The following SAMD11 variants were observed in gnomAD, a reference collection of about 807,000 sequenced individuals.
The protein encoded by SAMD11 is sterile alpha motif domain-containing protein 11.
In SAMD11, 77 loss-of-function variants were observed where a neutral mutation model predicts 64.4. The observed-to-expected ratio is 1.20, with a 90% CI of 0.99 to 1.44. The LOEUF is 1.44. Among genes scored for constraint, SAMD11 ranks in the 40% most tolerant of loss-of-function variants. The pLI is 0.00. For synonymous variants in SAMD11, 658 were observed against 421.9 expected (o/e 1.56, Z -6.86); for missense variants, 1,402 against 943.3 (o/e 1.49, Z -6.37).
At chr1:931,130 T>TCCCCCCCCCCC in intron 4 of SAMD11, 41 bp downstream of exon 4, 1 of 1,323,916 alleles carries the variant, frequency 7.6e-7, no homozygotes, top group South Asian at 1.2e-5. Context: ...GGGCCGTGAC[T>TCCCCCCCCCCC]CCCCTCCCTC....
Position 930,193 on chromosome 1 carries a change from G to T in SAMD11, c.648G>T (p.Leu216=). The part of the protein sequence containing the change: ...GRLADKRTVA[L]PAARNLKKER... ...TGGCAGACAAGAGGACAGTCGCCCT[G>T]CCTGCCGCCCGGAACCTGAAGAAGG... is the stretch of plus-strand genomic sequence containing the variant. The change falls in exon 3 of 14, where the codon CTG becomes CTT. Residue 216 remains leucine, a synonymous_variant. Transcript: ENST00000616016. 5 of 1,563,922 alleles carry T rather than the reference G, an allele frequency of 3.2e-6. No individual in the cohort carries two copies. The highest frequency in any genetic ancestry group is 1.9e-5 in the Admixed American group (1 of 52,438).
chr1:937,405 C>A (rs1240793425), intron 5 of SAMD11, among the ~76,000 whole-genome samples: 1 of 151,084 alleles, frequency 6.6e-6, no homozygotes, highest in South Asian at 2.1e-4. Context: ...TGCCCCCCCC[C>A]CCACCCAGTC....
rs2100342019 is a variant in SAMD11, at chr1:938,901, G to A, written c.968-139G>A. 6.7e-6 allele frequency: 5 copies of A among 749,208 alleles called. No homozygotes were observed. The South Asian group carries it at 7.8e-5, about 12-fold the overall frequency. 46.4% of individuals were successfully genotyped at this position (749,208 alleles called of 1,614,324 possible). ...TCTGCGCTGAAGGCTGGGGCTGCCA[G>A]GGCTGGGCAAGGCCTGTACTCACCA... On this transcript the variant is annotated intron_variant, in intron 5 of 13. Coordinates refer to ENST00000616016, the MANE Select transcript of SAMD11 (RefSeq NM_001385641.1).
intron 4 of SAMD11, among the ~76,000 whole-genome samples, chr1:934,009 GGGGAGGCGGCTGCGTTACAGGTGGGCA>G: frequency 7.2e-6 from 1 of 138,344 alleles, no homozygotes; most frequent in African/African-American, 3.1e-5. Flanking sequence ...CAGGTGGGCA[GGGGAGGCGGCTGCGTTACAGGTGGGCA>G]GGGGAGGCGG....
chr1:938,346 C>G (rs558588421), intron 5 of SAMD11, among the ~76,000 whole-genome samples: 59 of 152,034 alleles, frequency 3.9e-4, no homozygotes, highest in Non-Finnish European at 7.4e-4. Context: ...GGGCTGGCCT[C>G]GTGGCTGAGG....
chr1:943,423 C>T lies in SAMD11; in HGVS notation c.2178+46C>T. On this transcript the variant is annotated intron_variant, in intron 12 of 13. Transcript: ENST00000616016. The stretch of plus-strand genomic sequence containing the variant: ...CTGGGGCGGGGCTGGAGCTGGCTGG[C>T]AGTCACTACCTCCCTGGAAAGGATG... The T allele has an allele frequency of 4.8e-6, 7 of 1,445,980 alleles. 1 individual carries two copies. Among genetic ancestry groups the T allele is most frequent in the South Asian group, 4.0e-5 (3 of 74,272 alleles). The allele number at this position is 1,445,980 out of a possible 1,614,324, so 89.6% of individuals were successfully genotyped here.
chr1:943,835 G>A (rs1569924736), intron 13 of SAMD11, 27 bp downstream of exon 13: 4 of 1,612,832 alleles, frequency 2.5e-6, no homozygotes, highest in African/African-American at 1.3e-5. Context: ...TGAGGTCAGG[G>A]TCTCCAGACC....
At chr1:925,639 G>A in intron 1 of SAMD11, 1 of 350,280 alleles carries the variant, frequency 2.9e-6, no homozygotes, top group South Asian at 3.1e-5. Flanking sequence ...TTCCCTCGGG[G>A]CCGGGGAGAG....
At position 944,110 on chromosome 1, in the gene SAMD11, C is replaced by G. The variant is rs376960675; in HGVS notation, c.2492C>G (p.Ala831Gly). 1.9e-6 allele frequency: 3 copies of G among 1,606,746 alleles called. No individual in the cohort carries two copies. Among genetic ancestry groups the G allele is most frequent in the Admixed American group, 3.4e-5 (2 of 59,438 alleles). The part of the protein sequence containing the change: ...TSPKQENGTL[A>G]LLPGAPDPSQ... ...CCCAAGCAGGAGAATGGGACCTTGG[C>G]TCTACTTCCAGGGGCCCCCGACCCT... Residue 831 changes from alanine (A) to glycine (G), a missense_variant, in exon 14 of 14, where the codon GCT (alanine) becomes GGT (glycine). Transcript: ENST00000616016.
Position 942,803 on chromosome 1 carries a change from C to G in SAMD11, c.1798C>G (p.Pro600Ala). Residue 600 changes from proline to alanine, a missense_variant, in exon 11 of 14, where the codon CCC becomes GCC. Transcript: ENST00000616016. ...SARRAPRKGGPGPASARPSES... is the reference protein window; with the variant it reads ...SARRAPRKGGAGPASARPSES... ...CCGGCGAGCCCCCCGGAAGGGGGGTCCCGGCCCTGCCTCAGCGCGGCCCAG... is the reference window on the plus strand; with the variant it reads ...CCGGCGAGCCCCCCGGAAGGGGGGTGCCGGCCCTGCCTCAGCGCGGCCCAG... 1 of 1,545,132 alleles carries G rather than the reference C, an allele frequency of 6.5e-7. No individual in the cohort carries two copies. Among genetic ancestry groups the G allele is most frequent in the Non-Finnish European group, 8.7e-7 (1 of 1,145,270 alleles).
chr1:940,910 C>T (rs578021695), intron 7 of SAMD11, among the ~76,000 whole-genome samples: 82 of 152,344 alleles, frequency 5.4e-4, no homozygotes, highest in African/African-American at 1.9e-3. Context: ...CCTCCAGGCA[C>T]CCGGCTCCCC....
intron 2 of SAMD11, among the ~76,000 whole-genome samples, chr1:927,102 C>T (rs528582129): frequency 6.6e-6 from 1 of 152,294 alleles, no homozygotes; most frequent in East Asian, 1.9e-4. Flanking sequence ...GCACCTCACC[C>T]ATGTGCCCAC....
chr1:936,512 C>T (rs1043305078), intron 5 of SAMD11, among the ~76,000 whole-genome samples: 4 of 152,126 alleles, frequency 2.6e-5, no homozygotes, highest in African/African-American at 9.7e-5. Context: ...GGTGCTGCTG[C>T]CTGGTCACAG....
At chr1:935,975 A>G in intron 5 of SAMD11, 79 bp downstream of exon 5, 3 of 1,465,916 alleles carry the variant, frequency 2.0e-6, no homozygotes, top group Non-Finnish European at 2.8e-6. Flanking sequence ...CAGCACCAGC[A>G]GCCTTGGCAG....
chr1:930,702 G>C (rs1641127697), intron 3 of SAMD11, among the ~76,000 whole-genome samples: 1 of 152,226 alleles, frequency 6.6e-6, no homozygotes, highest in South Asian at 2.1e-4. Context: ...TGGCTGTGCA[G>C]AAGCAGCCTC....
At position 941,174 on chromosome 1, in the gene SAMD11, C is replaced by T. The variant is rs1183736279; in HGVS notation, c.1226C>T (p.Ala409Val). 1 of 1,602,048 alleles carries T rather than the reference C, an allele frequency of 6.2e-7. No individual in the cohort carries two copies. ...DLLRVRQEVA[A>V]AALRGPSGLE... is the part of the protein sequence containing the mutation. Reference sequence around the variant, plus strand: ...CTGAGGGTCCGGCAGGAGGTGGCGGCTGCAGCTCTGAGGGGCCCCAGTGGC... The same window carrying T: ...CTGAGGGTCCGGCAGGAGGTGGCGGTTGCAGCTCTGAGGGGCCCCAGTGGC... The change falls in exon 8 of 14, where the codon GCT becomes GTT. Residue 409 changes from alanine (A) to valine (V), a missense_variant. Transcript: ENST00000616016.
chr1:928,433 C>CA (rs1457388524), intron 2 of SAMD11, among the ~76,000 whole-genome samples: 1 of 152,254 alleles, frequency 6.6e-6, no homozygotes, highest in Non-Finnish European at 1.5e-5. Context: ...GAGAGGCTGT[C>CA]AGAGCCTCTA....
chr1:927,310 G>A (rs982685610), intron 2 of SAMD11, among the ~76,000 whole-genome samples: 2 of 152,172 alleles, frequency 1.3e-5, no homozygotes, highest in Non-Finnish European at 2.9e-5. Flanking sequence ...TTGGGTCTCT[G>A]TTTGGATTTG....
chr1:927,070 G>A (rs1408407884), intron 2 of SAMD11, among the ~76,000 whole-genome samples: 1 of 152,156 alleles, frequency 6.6e-6, no homozygotes, highest in African/African-American at 2.4e-5. Flanking sequence ...CAGCATGTTG[G>A]GCAGGGGAAG....
Sources: allele counts gnomAD v4.1 joint callset (sites outside exome capture counted in the v4.1 genomes callset), GRCh38; gene constraint gnomAD v4.1.1; transcripts MANE v1.5; gene names NCBI Gene and HGNC (gene_info 2026-07-23, HGNC 2026-07-21).